GCC2: variants seen among roughly 807,000 people sequenced by gnomAD.
GCC2 encodes the protein GRIP and coiled-coil domain-containing protein 2.
A neutral mutation model predicts 210.6 loss-of-function variants in GCC2; 120 were observed. That is an observed-to-expected ratio of 0.57 (90% confidence interval 0.49 to 0.66). The LOEUF (loss-of-function observed/expected upper bound fraction) is 0.66, where lower values mean the gene tolerates loss of function less well. Among genes scored for constraint, GCC2 ranks in the 30% least tolerant of loss-of-function variants. GCC2 has a pLI of 0.00. For missense variants in GCC2, 1,868 were observed against 1,871.9 expected (o/e 1.00, Z 0.04); for synonymous variants, 703 against 652.7 (o/e 1.08, Z -1.17).
intron 3 of GCC2, 34 bp from the exon 4 acceptor site, chr2:108,452,365 C>G: frequency 9.1e-7 from 1 of 1,095,494 alleles, no homozygotes; most frequent in Admixed American, 1.8e-5. Flanking sequence ...TTCTTTATTT[C>G]TGAACCGGAG....
chr2:108,495,314 T>C lies in GCC2; in HGVS notation c.4471T>C (p.Leu1491=). The C allele has an allele frequency of 6.3e-7, 1 of 1,579,994 alleles. No homozygotes were observed. The highest frequency in any genetic ancestry group is 2.2e-5 in the East Asian group (1 of 44,798). ...TRSPVSSQQS[L]KNLRERRNTD... is the part of the protein sequence containing the mutation. ...AGGCCCAGTTTCCTCTCAACAATCT[T>C]TGAAGAACCTTCGAGAAAGGAGAAA... The change falls in exon 20 of 23, where the codon TTG becomes CTG. Residue 1491 remains leucine, a synonymous_variant. Coordinates refer to ENST00000309863, the MANE Select transcript of GCC2 (RefSeq NM_181453.4).
intron 17 of GCC2, among the ~76,000 whole-genome samples, chr2:108,488,699 AAG>A (rs144911967): frequency 3.3e-5 from 5 of 151,524 alleles, no homozygotes; most frequent in African/African-American, 7.2e-5. Context: ...TACTGGGAGT[AAG>A]AGAGAGAGAG....
intron 4 of GCC2, among the ~76,000 whole-genome samples, chr2:108,468,328 A>C (rs981660014): frequency 6.6e-6 from 1 of 152,134 alleles, no homozygotes; most frequent in African/African-American, 2.4e-5. Context: ...TGCCTCCCAA[A>C]GTGCTAGGAT....
intron 4 of GCC2, among the ~76,000 whole-genome samples, chr2:108,458,009 GA>G (rs1423907511): frequency 6.6e-6 from 1 of 152,162 alleles, no homozygotes; most frequent in African/African-American, 2.4e-5. Flanking sequence ...GTTCTTAGAG[GA>G]AAGATTTTCA....
chr2:108,492,251 T>TATATAAAATATATAAAATATAAAA (rs1682439962), intron 18 of GCC2, among the ~76,000 whole-genome samples: 2 of 152,238 alleles, frequency 1.3e-5, no homozygotes, highest in South Asian at 4.1e-4. Context: ...ATTAAAAGTA[T>TATATAAAATATATAAAATATAAAA]AATTATTTTA....
rs1437148852 is a variant in GCC2 at position 108,508,704 on chromosome 2, C to G, written c.*1074C>G. The stretch of plus-strand genomic sequence containing the variant: ...ATTTTAGACACCTTAGAGGTCCGTG[C>G]TACATCGTCACAGTTCCTCCGAATA... On this transcript the variant is annotated 3_prime_UTR_variant, in exon 23 of 23. Transcript: ENST00000309863. 2 of 152,480 alleles carry G rather than the reference C, an allele frequency of 1.3e-5. No homozygotes were observed. The highest frequency in any genetic ancestry group is 2.9e-5 in the Non-Finnish European group (2 of 68,006). 9.4% of individuals were successfully genotyped at this position (152,480 alleles called of 1,614,324 possible). A position where few individuals can be genotyped will look rare whatever the true frequency, so the allele number is the denominator to read the frequency against.
intron 11 of GCC2, 144 bp downstream of exon 11, chr2:108,482,595 G>C (rs974944781): frequency 9.5e-6 from 5 of 525,666 alleles, no homozygotes; most frequent in Non-Finnish European, 1.7e-5. Flanking sequence ...ATAAATTTGA[G>C]AATCCATGCT....
chr2:108,455,774 A>G (rs949098137), intron 4 of GCC2, among the ~76,000 whole-genome samples: 2 of 152,172 alleles, frequency 1.3e-5, no homozygotes, highest in Non-Finnish European at 2.9e-5. Context: ...ATGGGCATAT[A>G]GTATTCCATT....
At chr2:108,483,574 T>G (rs551431551) in intron 12 of GCC2, among the ~76,000 whole-genome samples, 39 of 152,312 alleles carry the variant, frequency 2.6e-4, no homozygotes, top group Admixed American at 1.4e-3. Flanking sequence ...TTTTAGAATG[T>G]TACTTGTGGT....
At chr2:108,450,915 C>T (rs1343521483) in intron 2 of GCC2, 113 bp from the exon 3 acceptor site, 2 of 692,386 alleles carry the variant, frequency 2.9e-6, no homozygotes, top group South Asian at 1.8e-5. Context: ...ATGCGGTTGG[C>T]ATAAAGATTT....
In GCC2 at chr2:108,508,643, G is replaced by C. The variant is rs577767300; in HGVS notation, c.*1013G>C. The C allele has an allele frequency of 9.2e-5, 14 of 152,016 alleles. No homozygotes were observed. In the South Asian group the frequency reaches 2.3e-3, roughly 25 times the overall value. The allele number at this position is 152,016 out of a possible 1,614,324, so 9.4% of individuals were successfully genotyped here. On this transcript the variant is annotated 3_prime_UTR_variant, in exon 23 of 23. Transcript: ENST00000309863. ...TAAAAGTGGTGCTTTCAGTGTTTTT[G>C]GCAGATAGTGTTCCATAAGCTTTCC...
Position 108,471,122 on chromosome 2 carries a change from A to G in GCC2, c.1793A>G (p.Asp598Gly), listed in dbSNP as rs1573370469. 1 of 1,586,924 alleles carries G rather than the reference A, an allele frequency of 6.3e-7. No homozygotes were observed. The highest frequency in any genetic ancestry group is 8.6e-7 in the Non-Finnish European group (1 of 1,160,130). The stretch of plus-strand genomic sequence containing the variant: ...AATTCTCTTACTGAGGAAAAAGATG[A>G]TTTTATAAATAAACTGAAAAATTCC... ...KINSLTEEKDDFINKLKNSHE... is the reference protein window; with the variant it reads ...KINSLTEEKDGFINKLKNSHE... Residue 598 changes from aspartate (D) to glycine (G), a missense_variant, in exon 6 of 23, where the codon GAT (aspartate) becomes GGT (glycine). Physicochemically the swap from Asp to Gly is moderately conservative, Grantham distance 94. Coordinates refer to ENST00000309863, the MANE Select transcript of GCC2 (RefSeq NM_181453.4).
intron 7 of GCC2, chr2:108,473,312 TAAA>T (rs11334213): frequency 5.1e-4 from 72 of 141,708 alleles, no homozygotes; most frequent in Admixed American, 7.7e-4. Flanking sequence ...TGTTTTGAGT[TAAA>T]AAAAAAAAAA....
At chr2:108,503,156 T>G (rs914836316) in intron 22 of GCC2, among the ~76,000 whole-genome samples, 1 of 136,766 alleles carries the variant, frequency 7.3e-6, no homozygotes, top group African/African-American at 2.5e-5. Flanking sequence ...CAATAAAATC[T>G]CAAGCAGTAT....
In GCC2 at chr2:108,489,953, C is replaced by T. The variant is rs773834644; in HGVS notation, c.4168C>T (p.Leu1390=). ...ATTGCAGTCTGAACATGATACACTG[C>T]TAGAAAGGCACAACAAGATGCTGCA... is the stretch of plus-strand genomic sequence containing the variant. The part of the protein sequence containing the change: ...QTLQSEHDTL[L]ERHNKMLQET... Residue 1390 remains leucine (L), a synonymous_variant, in exon 18 of 23, where the codon CTA becomes TTA. Coordinates refer to ENST00000309863, the MANE Select transcript of GCC2 (RefSeq NM_181453.4). The T allele has an allele frequency of 1.1e-5, 18 of 1,611,574 alleles. No homozygotes were observed. The Admixed American group carries it at 1.2e-4, about 11-fold the overall frequency.
rs549064955 is a variant in GCC2, at chr2:108,509,364, T to G, written c.*1734T>G. On this transcript the variant is annotated 3_prime_UTR_variant, in exon 23 of 23. Coordinates refer to ENST00000309863, the MANE Select transcript of GCC2 (RefSeq NM_181453.4). The stretch of plus-strand genomic sequence containing the variant: ...CTGCAATGAGAGGAAGTGTAATGAT[T>G]ATTTTAATATTTCTATTAAATATGT... 9 of 152,440 alleles carry G rather than the reference T, an allele frequency of 5.9e-5. No homozygotes were observed. In the East Asian group the frequency reaches 1.7e-3, roughly 29 times the overall value. 9.4% of individuals were successfully genotyped at this position (152,440 alleles called of 1,614,324 possible).
At position 108,471,469 on chromosome 2, in the gene GCC2, CAAAA is replaced by C; in HGVS notation, c.2142_2145del (p.Glu716MetfsTer11). The C allele has an allele frequency of 6.2e-7, 1 of 1,608,530 alleles. No homozygotes were observed. Among genetic ancestry groups the C allele is most frequent in the Non-Finnish European group, 8.5e-7 (1 of 1,178,310 alleles). ...TAGGGATTTGGAGGTTTTTTTGTCT[CAAAA>C]AGAAGATGTTATCCTTAAAGAACAT... On this transcript the variant is annotated frameshift_variant, in exon 6 of 23. Coordinates refer to ENST00000309863, the MANE Select transcript of GCC2 (RefSeq NM_181453.4). LOFTEE classifies it high-confidence loss of function.
chr2:108,465,407 G>T (rs998546225), intron 4 of GCC2, among the ~76,000 whole-genome samples: 1 of 152,116 alleles, frequency 6.6e-6, no homozygotes, highest in Admixed American at 6.5e-5. Flanking sequence ...TTACATGGAT[G>T]AATTATATAG....
In GCC2 at chr2:108,485,683, A is replaced by C. The variant is rs764785824; in HGVS notation, c.3661A>C (p.Ile1221Leu). ...VQQYEEKNTKIKQLLVKTKKE... is the reference protein window; with the variant it reads ...VQQYEEKNTKLKQLLVKTKKE... ...ACAATATGAAGAAAAAAACACCAAA[A>C]TCAAGCAATTGCTTGTGAAAACCAA... Residue 1221 changes from isoleucine to leucine, a missense_variant, in exon 14 of 23, where the codon ATC becomes CTC. Ile to Leu is a conservative substitution (Grantham distance 5). Transcript: ENST00000309863. The C allele has an allele frequency of 6.3e-7, 1 of 1,597,308 alleles. No homozygotes were observed. The highest frequency in any genetic ancestry group is 8.5e-7 in the Non-Finnish European group (1 of 1,173,472).
Sources: allele counts gnomAD v4.1 joint callset (sites outside exome capture counted in the v4.1 genomes callset), GRCh38; gene constraint gnomAD v4.1.1; transcripts MANE v1.5; gene names NCBI Gene and HGNC (gene_info 2026-07-23, HGNC 2026-07-21).